Variants in TACR1 observed in about 807,000 individuals in gnomAD.
TACR1 encodes the protein substance-P receptor.
Under a neutral mutation model 35.8 loss-of-function variants are expected in TACR1, and 25 were observed. The ratio of observed to expected loss-of-function variants is 0.70; its 90% CI spans 0.51 to 0.98. The LOEUF (loss-of-function observed/expected upper bound fraction) is 0.98. TACR1 is among the 50% of genes least tolerant of loss of function. The pLI, the probability that TACR1 is intolerant of heterozygous loss-of-function variation, is 0.00. For synonymous variants in TACR1, 195 were observed against 206.7 expected (o/e 0.94, Z 0.48); for missense variants, 478 against 522.9 (o/e 0.91, Z 0.84).
chr2:75,076,806 C>T (rs986357252), intron 2 of TACR1, among the ~76,000 whole-genome samples: 7 of 152,060 alleles, frequency 4.6e-5, no homozygotes, highest in South Asian at 4.1e-4. Flanking sequence ...CTGAGGCCTT[C>T]GCATCTTCGG....
intron 2 of TACR1, among the ~76,000 whole-genome samples, chr2:75,117,562 C>T (rs1048226454): frequency 6.6e-6 from 1 of 152,186 alleles, no homozygotes; most frequent in Non-Finnish European, 1.5e-5. Context: ...GTTATTTTTA[C>T]TTACATCTCT....
In TACR1 at chr2:75,126,931, C is replaced by T. The variant is rs7607075; in HGVS notation, c.390-6163G>A. On this transcript the variant is annotated intron_variant, in intron 1 of 4. Transcript: ENST00000305249. ...ATCCTTAGAGAAATGCAAATCAAAA[C>T]CTCACTGAGATACCATCTCATACCA... Among the ~76,000 whole-genome samples, 510 of 152,260 alleles carry T rather than the reference C, an allele frequency of 3.3e-3. 1 individual carries two copies. The highest frequency in any genetic ancestry group is 0.012 in the African/African-American group (478 of 41,554).
intron 1 of TACR1, among the ~76,000 whole-genome samples, chr2:75,148,337 C>T (rs946449813): frequency 6.6e-6 from 1 of 152,202 alleles, no homozygotes; most frequent in Non-Finnish European, 1.5e-5. Flanking sequence ...TTCCCACCAA[C>T]AATGTAAAAG....
chr2:75,061,484 G>A (rs550617176), intron 2 of TACR1, among the ~76,000 whole-genome samples: 1 of 152,258 alleles, frequency 6.6e-6, no homozygotes, highest in Non-Finnish European at 1.5e-5. Flanking sequence ...GAAGGAAGCT[G>A]TCTGTGTGTT....
At chr2:75,168,550 A>C (rs189274366) in intron 1 of TACR1, among the ~76,000 whole-genome samples, 70 of 152,334 alleles carry the variant, frequency 4.6e-4, no homozygotes, top group African/African-American at 1.6e-3. Context: ...AGAAAAAGCA[A>C]GGAAACATTC....
At chr2:75,079,256 C>A (rs936723093) in intron 2 of TACR1, among the ~76,000 whole-genome samples, 1 of 152,168 alleles carries the variant, frequency 6.6e-6, no homozygotes, top group Non-Finnish European at 1.5e-5. Flanking sequence ...CCCTTCCTGT[C>A]CAACACATGG....
At chr2:75,191,363 T>C (rs886497953) in intron 1 of TACR1, among the ~76,000 whole-genome samples, 1 of 150,650 alleles carries the variant, frequency 6.6e-6, no homozygotes, top group Non-Finnish European at 1.5e-5. Context: ...TAGTGGGGGG[T>C]GTTAGAGAAA....
At position 75,101,043 on chromosome 2, in the gene TACR1, T is replaced by TA. The variant is rs572625273; in HGVS notation, c.584+19530dup. ...ATGATGAAAAATGTGGTTGCTGTAT[T>TA]AAAAAAAAAAAGAATGATGAATAAC... On this transcript the variant is annotated intron_variant, in intron 2 of 4. Coordinates refer to ENST00000305249, the MANE Select transcript of TACR1 (RefSeq NM_001058.4). 4.4e-3 allele frequency among the ~76,000 whole-genome samples: 639 copies of TA among 144,960 alleles called. 3 individuals carry two copies. The highest frequency in any genetic ancestry group is 0.012 in the African/African-American group (488 of 39,684).
At position 75,176,321 on chromosome 2, in the gene TACR1, A is replaced by T. The variant is rs992774342; in HGVS notation, c.389+22225T>A. 4.6e-5 allele frequency among the ~76,000 whole-genome samples: 7 copies of T among 150,758 alleles called. No individual in the cohort carries two copies. In the East Asian group the frequency reaches 9.7e-4, roughly 21 times the overall value. On this transcript the variant is annotated intron_variant, in intron 1 of 4. Transcript: ENST00000305249. Reference sequence around the variant, plus strand: ...TTTTCATTATAGTAAAGGAGACATTATACATTTTTTTTTTTTTAAGTACAG... The same window carrying T: ...TTTTCATTATAGTAAAGGAGACATTTTACATTTTTTTTTTTTTAAGTACAG...
At chr2:75,081,588 G>T (rs753617035) in intron 2 of TACR1, among the ~76,000 whole-genome samples, 16 of 152,170 alleles carry the variant, frequency 1.1e-4, no homozygotes, top group Non-Finnish European at 2.9e-5. Context: ...CCTCTAGGTT[G>T]GGGGCAGAGT....
rs116173180 is a variant in TACR1 at position 75,117,231 on chromosome 2, T to G, written c.584+3343A>C. Among the ~76,000 whole-genome samples the G allele has an allele frequency of 3.6e-3, 544 of 152,326 alleles. 2 individuals carry two copies. Among genetic ancestry groups the G allele is most frequent in the African/African-American group, 0.013 (531 of 41,574 alleles). The stretch of plus-strand genomic sequence containing the variant: ...ATTTCCTGTCTTTAATAGTGCTTAA[T>G]TTAATTGATGTTTTAGTAAACGTTA... On this transcript the variant is annotated intron_variant, in intron 2 of 4. Transcript: ENST00000305249.
chr2:75,071,055 A>G (rs1239790036), intron 2 of TACR1, among the ~76,000 whole-genome samples: 1 of 152,236 alleles, frequency 6.6e-6, no homozygotes, highest in Non-Finnish European at 1.5e-5. Context: ...TCCTTGGAAC[A>G]CAGTCATGCC....
At chr2:75,112,755 A>T (rs2103891291) in intron 2 of TACR1, among the ~76,000 whole-genome samples, 1 of 152,332 alleles carries the variant, frequency 6.6e-6, no homozygotes, top group South Asian at 2.1e-4. Flanking sequence ...TTCTTGAGAC[A>T]AATATATGAT....
At chr2:75,064,119 T>C (rs1240023002) in intron 2 of TACR1, among the ~76,000 whole-genome samples, 1 of 147,874 alleles carries the variant, frequency 6.8e-6, no homozygotes, top group South Asian at 2.1e-4. Context: ...CTGAAAAGGG[T>C]GCATTGCTAG....
rs527535121 is a variant in TACR1 at position 75,136,130 on chromosome 2, T to C, written c.390-15362A>G. On this transcript the variant is annotated intron_variant, in intron 1 of 4. Transcript: ENST00000305249. Reference sequence around the variant, plus strand: ...GCAGGGGTTGGCGGAACTTGGGCCTTGTAGAAAGAAACCCAGGCACATCAT... The same window carrying C: ...GCAGGGGTTGGCGGAACTTGGGCCTCGTAGAAAGAAACCCAGGCACATCAT... Among the ~76,000 whole-genome samples the C allele has an allele frequency of 3.9e-5, 6 of 152,220 alleles. No homozygotes were observed. The South Asian group carries it at 1.2e-3, about 32-fold the overall frequency.
intron 1 of TACR1, among the ~76,000 whole-genome samples, chr2:75,190,699 T>C (rs1215690138): frequency 2.0e-5 from 3 of 152,150 alleles, no homozygotes; most frequent in Non-Finnish European, 4.4e-5. Context: ...ATTTTATCAG[T>C]TGAGGAAACT....
At chr2:75,135,189 T>C (rs1272785874) in intron 1 of TACR1, among the ~76,000 whole-genome samples, 2 of 152,166 alleles carry the variant, frequency 1.3e-5, no homozygotes, top group African/African-American at 4.8e-5. Flanking sequence ...ACAGGACATA[T>C]CTCTTTCCCT....
intron 2 of TACR1, among the ~76,000 whole-genome samples, chr2:75,112,034 G>A (rs1278755157): frequency 6.6e-6 from 1 of 152,028 alleles, no homozygotes; most frequent in African/African-American, 2.4e-5. Context: ...GTAGTATAGA[G>A]AGTAATCTAC....
At chr2:75,193,125 C>G (rs559285108) in intron 1 of TACR1, among the ~76,000 whole-genome samples, 19 of 152,114 alleles carry the variant, frequency 1.2e-4, no homozygotes, top group Non-Finnish European at 2.6e-4. Context: ...TCTCCTTTTA[C>G]CAGGAAGTCT....
Sources: gnomAD v4.1 joint callset for allele counts (sites outside exome capture counted in the v4.1 genomes callset) on GRCh38, gnomAD v4.1.1 for gene constraint, MANE v1.5 for transcripts, NCBI Gene and HGNC (gene_info 2026-07-23, HGNC 2026-07-21) for gene names.